BAIAP2L1: variants seen among roughly 807,000 people sequenced by gnomAD.
The protein encoded by BAIAP2L1 is BAR/IMD domain containing adaptor protein 2 like 1.
BAIAP2L1 carries 35 observed loss-of-function variants against 66.3 expected under a neutral mutation model. The ratio of observed to expected loss-of-function variants is 0.53; its 90% CI spans 0.40 to 0.70. BAIAP2L1 has a LOEUF of 0.70. Ranked by LOEUF, BAIAP2L1 falls within the 30% of genes least tolerant of loss-of-function variation. The probability of loss-of-function intolerance (pLI) is 0.00; values close to 1 mark genes in which losing one functional copy is unlikely to be tolerated. For missense variants in BAIAP2L1, 622 were observed against 656.9 expected (o/e 0.95, Z 0.58); for synonymous variants, 269 against 248.7 (o/e 1.08, Z -0.77).
rs1803359018 is a variant in BAIAP2L1, at chr7:98,401,030, C to A, written c.-178G>T. The A allele has an allele frequency of 4.3e-6, 2 of 460,350 alleles. No individual in the cohort carries two copies. Among genetic ancestry groups the A allele is most frequent in the Non-Finnish European group, 7.1e-6 (2 of 282,462 alleles). The allele number at this position is 460,350 out of a possible 1,614,324, so 28.5% of individuals were successfully genotyped here. Reference sequence around the variant, plus strand: ...TCCGCTGCGAAAATGTCAAAACTTGCGGCAGCGCCGCCCTGGCCTTCTTCG... The same window carrying A: ...TCCGCTGCGAAAATGTCAAAACTTGAGGCAGCGCCGCCCTGGCCTTCTTCG... On this transcript the variant is annotated 5_prime_UTR_variant, in exon 1 of 14. Transcript: ENST00000005260.
chr7:98,347,231 A>C (rs1801892060), intron 3 of BAIAP2L1, among the ~76,000 whole-genome samples: 1 of 151,944 alleles, frequency 6.6e-6, no homozygotes, highest in African/African-American at 2.4e-5. Context: ...ACAAATAAAA[A>C]CTCTAATTCC....
chr7:98,303,715 A>G (rs1800519404), intron 12 of BAIAP2L1, among the ~76,000 whole-genome samples: 1 of 152,154 alleles, frequency 6.6e-6, no homozygotes, highest in African/African-American at 2.4e-5. Context: ...GTTATCTTTC[A>G]GGGTTATCGT....
At position 98,315,625 on chromosome 7, in the gene BAIAP2L1, A is replaced by AAAAAAT. The variant is rs1554412623; in HGVS notation, c.487-14_487-13insATTTTT. The AAAAAAT allele has an allele frequency of 2.0e-5, 23 of 1,131,170 alleles. No homozygotes were observed. The African/African-American group carries it at 2.7e-4, about 13-fold the overall frequency. 70.1% of individuals were successfully genotyped at this position (1,131,170 alleles called of 1,614,324 possible). On this transcript the variant is annotated splice_polypyrimidine_tract_variant and intron_variant, in intron 6 of 13. Transcript: ENST00000005260. ...CGGTCTCCACATACTAAAAAAAAAAAAATAATAATAATAATAATTATATAA... is the reference window on the plus strand; with the variant it reads ...CGGTCTCCACATACTAAAAAAAAAAAAAAAATAATAATAATAATAATAATTATATAA...
At chr7:98,342,909 A>G (rs1801777218) in intron 3 of BAIAP2L1, among the ~76,000 whole-genome samples, 1 of 151,982 alleles carries the variant, frequency 6.6e-6, no homozygotes, top group Non-Finnish European at 1.5e-5. Flanking sequence ...TCCTTTTTTA[A>G]ATGGGCACTG....
chr7:98,303,351 G>C (rs1211974443), intron 12 of BAIAP2L1, among the ~76,000 whole-genome samples: 2 of 152,130 alleles, frequency 1.3e-5, no homozygotes, highest in African/African-American at 4.8e-5. Context: ...CCTGGAGCGA[G>C]GGGTGCAGAC....
At chr7:98,307,104 C>T (rs1226694768) in intron 10 of BAIAP2L1, 1 of 159,170 alleles carries the variant, frequency 6.3e-6, no homozygotes, top group Non-Finnish European at 1.4e-5. Context: ...TTCAATAAAT[C>T]AAATGCTAAT....
chr7:98,323,363 T>G (rs1056135191), intron 3 of BAIAP2L1: 1 of 152,114 alleles, frequency 6.6e-6, no homozygotes, highest in African/African-American at 2.4e-5. Flanking sequence ...ATTTAGAAAA[T>G]CAGACACTCT....
At chr7:98,361,218 A>AT (rs1352794727) in intron 2 of BAIAP2L1, among the ~76,000 whole-genome samples, 3 of 152,014 alleles carry the variant, frequency 2.0e-5, no homozygotes, top group Non-Finnish European at 4.4e-5. Context: ...TTAGCTGGGC[A>AT]TGGTGGTGTA....
At position 98,362,369 on chromosome 7, in the gene BAIAP2L1, T is replaced by C; in HGVS notation, c.115A>G (p.Lys39Glu). Reference sequence around the variant, plus strand: ...AAAACAGACTTACCGTTTACAGCTTTCTCATAATTTTTCCCCAGGTTTATT... The same window carrying C: ...AAAACAGACTTACCGTTTACAGCTTCCTCATAATTTTTCCCCAGGTTTATT... ...NLINLGKNYE[K>E]AVNAMILAGK... Residue 39 changes from lysine (K) to glutamate (E), a missense_variant, in exon 2 of 14, where the codon AAA (lysine) becomes GAA (glutamate). By Grantham distance (56) the Lys-to-Glu change is moderately conservative. Transcript: ENST00000005260. The C allele has an allele frequency of 2.5e-6, 4 of 1,610,380 alleles. No individual in the cohort carries two copies. Among genetic ancestry groups the C allele is most frequent in the Non-Finnish European group, 3.4e-6 (4 of 1,177,006 alleles).
intron 6 of BAIAP2L1, 116 bp downstream of exon 6, chr7:98,317,103 T>C (rs1174958143): frequency 3.0e-6 from 4 of 1,323,098 alleles, no homozygotes. Flanking sequence ...TCCTACTGCC[T>C]CGGCCTCCCA....
At chr7:98,354,449 T>C (rs1320697869) in intron 3 of BAIAP2L1, among the ~76,000 whole-genome samples, 1 of 152,098 alleles carries the variant, frequency 6.6e-6, no homozygotes, top group African/African-American at 2.4e-5. Flanking sequence ...TAAATGAGAG[T>C]GCTGTGTGGG....
At chr7:98,340,751 G>A (rs546182839) in intron 3 of BAIAP2L1, among the ~76,000 whole-genome samples, 6 of 147,162 alleles carry the variant, frequency 4.1e-5, no homozygotes, top group South Asian at 2.2e-4. Context: ...ACACCAATGC[G>A]CCTACACGAC....
At chr7:98,378,406 T>C (rs542799558) in intron 1 of BAIAP2L1, among the ~76,000 whole-genome samples, 7 of 152,168 alleles carry the variant, frequency 4.6e-5, no homozygotes, top group Non-Finnish European at 8.8e-5. Flanking sequence ...ATGCTCCACC[T>C]GGGTTTGGGC....
intron 3 of BAIAP2L1, among the ~76,000 whole-genome samples, chr7:98,332,420 T>G (rs1338049397): frequency 7.7e-6 from 1 of 130,208 alleles, no homozygotes; most frequent in Non-Finnish European, 1.6e-5. Context: ...AAAGACAACA[T>G]TCTAGATATT....
At chr7:98,294,141 G>A in intron 12 of BAIAP2L1, 30 bp from the exon 13 acceptor site, 1 of 1,610,930 alleles carries the variant, frequency 6.2e-7, no homozygotes, top group Non-Finnish European at 8.5e-7. Context: ...GTTTATGGAG[G>A]GCTTAGAATT....
At chr7:98,374,429 T>C (rs1394310195) in intron 1 of BAIAP2L1, among the ~76,000 whole-genome samples, 1 of 152,150 alleles carries the variant, frequency 6.6e-6, no homozygotes, top group Non-Finnish European at 1.5e-5. Flanking sequence ...AATGTTGCAT[T>C]TTAAAACCCT....
At chr7:98,313,142 T>C (rs58256580) in intron 7 of BAIAP2L1, among the ~76,000 whole-genome samples, 1 of 16,298 alleles carries the variant, frequency 6.1e-5, no homozygotes, top group Admixed American at 5.8e-4. Context: ...CCCCCAACTG[T>C]CACCCCACCC....
chr7:98,388,419 G>C (rs1802947604), intron 1 of BAIAP2L1, among the ~76,000 whole-genome samples: 1 of 152,142 alleles, frequency 6.6e-6, no homozygotes, highest in Non-Finnish European at 1.5e-5. Flanking sequence ...CTTCAACCCG[G>C]GAAGTGGAGG....
In BAIAP2L1 at chr7:98,347,975, C is replaced by T. The variant is rs148602155; in HGVS notation, c.214+7067G>A. 5.7e-3 allele frequency among the ~76,000 whole-genome samples: 862 copies of T among 151,854 alleles called. 13 individuals carry two copies. Among genetic ancestry groups the T allele is most frequent in the African/African-American group, 0.02 (808 of 41,382 alleles). Reference sequence around the variant, plus strand: ...ACATAGGGAGGGGAACATCACACACCGGGGCCTGTTGTGGGGTGGGAGGCT... The same window carrying T: ...ACATAGGGAGGGGAACATCACACACTGGGGCCTGTTGTGGGGTGGGAGGCT... On this transcript the variant is annotated intron_variant, in intron 3 of 13. Coordinates refer to ENST00000005260, the MANE Select transcript of BAIAP2L1 (RefSeq NM_018842.5).
Sources: allele counts gnomAD v4.1 joint callset (sites outside exome capture counted in the v4.1 genomes callset), GRCh38; gene constraint gnomAD v4.1.1; transcripts MANE v1.5; gene names NCBI Gene and HGNC (gene_info 2026-07-23, HGNC 2026-07-21).